EPB41: variants seen among roughly 807,000 people sequenced by gnomAD.
EPB41 encodes the protein erythrocyte membrane protein band 4.1.
A neutral mutation model predicts 108.0 loss-of-function variants in EPB41; 65 were observed. The observed-to-expected ratio is 0.60, with a 90% CI of 0.49 to 0.74. EPB41 has a LOEUF of 0.74. EPB41 is among the 30% of genes least tolerant of loss of function. The probability of loss-of-function intolerance (pLI) is 0.00; values close to 1 mark genes in which losing one functional copy is unlikely to be tolerated. For missense variants in EPB41, 875 were observed against 1,037.0 expected, an observed-to-expected ratio of 0.84 and a Z score of 2.15; for synonymous variants, 336 against 358.9, an observed-to-expected ratio of 0.94 and a Z score of 0.72.
intron 7 of EPB41, among the ~76,000 whole-genome samples, chr1:29,022,361 C>T (rs2096656551): frequency 7.5e-6 from 1 of 133,634 alleles, no homozygotes. Flanking sequence ...AAGAAACTGC[C>T]ATTGATATAA....
chr1:29,075,622 C>G lies in EPB41; in HGVS notation c.2184+10464C>G, dbSNP rs1174380493. Among the ~76,000 whole-genome samples the G allele has an allele frequency of 3.9e-5, 6 of 152,278 alleles. No individual in the cohort carries two copies. The South Asian group carries it at 1.2e-3, about 32-fold the overall frequency. ...GAGTCTCAACTATCTTTTCTTGTCT[C>G]AAAATCAACAAAGGCAGGTGAGCCT... is the stretch of plus-strand genomic sequence containing the variant. On this transcript the variant is annotated intron_variant, in intron 16 of 20. Coordinates refer to ENST00000343067, the MANE Select transcript of EPB41 (RefSeq NM_001376013.1).
In EPB41 at chr1:29,117,917, C is replaced by T. The variant is rs1385929382; in HGVS notation, c.*1105C>T. The T allele has an allele frequency of 2.0e-5, 3 of 152,482 alleles. No individual in the cohort carries two copies. The highest frequency in any genetic ancestry group is 1.9e-4 in the East Asian group (1 of 5,186). The allele number at this position is 152,482 out of a possible 1,614,324, so 9.4% of individuals were successfully genotyped here. A position where few individuals can be genotyped will look rare whatever the true frequency, so the allele number is the denominator to read the frequency against. Reference sequence around the variant, plus strand: ...GAGCAAGGAATTGACTTTTAGGAGCCGTTCTCCCCACAAGACACCACATGA... The same window carrying T: ...GAGCAAGGAATTGACTTTTAGGAGCTGTTCTCCCCACAAGACACCACATGA... On this transcript the variant is annotated 3_prime_UTR_variant, in exon 21 of 21. Coordinates refer to ENST00000343067, the MANE Select transcript of EPB41 (RefSeq NM_001376013.1).
chr1:28,890,016 ATTTTTAT>A (rs1353742122), intron 1 of EPB41, among the ~76,000 whole-genome samples: 10 of 35,216 alleles, frequency 2.8e-4, no homozygotes, highest in East Asian at 4.0e-3. Flanking sequence ...TTTTATTTTT[ATTTTTAT>A]TTTTATTTTA....
chr1:29,005,100 A>C (rs1307645455), intron 4 of EPB41, among the ~76,000 whole-genome samples: 7 of 152,138 alleles, frequency 4.6e-5, no homozygotes, highest in Non-Finnish European at 8.8e-5. Flanking sequence ...TAAAGAAAGG[A>C]GGTTTAATTG....
chr1:29,089,580 T>C (rs577387036), intron 16 of EPB41, among the ~76,000 whole-genome samples: 71 of 152,258 alleles, frequency 4.7e-4, no homozygotes, highest in South Asian at 3.7e-3. Context: ...AAGGAAAATC[T>C]AGAAGAAATG....
intron 1 of EPB41, among the ~76,000 whole-genome samples, chr1:28,938,647 C>A (rs757608996): frequency 1.3e-5 from 2 of 151,988 alleles, no homozygotes; most frequent in Non-Finnish European, 2.9e-5. Flanking sequence ...AACCTCCCAC[C>A]TCAGCCTCCT....
intron 11 of EPB41, among the ~76,000 whole-genome samples, chr1:29,049,437 A>G (rs1193934420): frequency 6.6e-6 from 1 of 152,128 alleles, no homozygotes. Flanking sequence ...CATCCTTATC[A>G]CCTTTGGAGC....
chr1:28,932,440 C>T (rs2148575798), intron 1 of EPB41, among the ~76,000 whole-genome samples: 1 of 149,946 alleles, frequency 6.7e-6, no homozygotes, highest in South Asian at 2.1e-4. Flanking sequence ...TTTATCTTTT[C>T]TTCCAGGAGC....
rs1378449467 is a variant in EPB41, at chr1:28,935,479, C to A, written c.-8+20711C>A. On this transcript the variant is annotated intron_variant, in intron 1 of 20. Transcript: ENST00000343067. ...CACACACACACACACCCCCCCCCCC[C>A]CAAGATCTACGCACTAACTGCTTAT... Among the ~76,000 whole-genome samples the A allele has an allele frequency of 7.1e-3, 225 of 31,894 alleles. 3 individuals are homozygous for A. The highest frequency in any genetic ancestry group is 0.03 in the East Asian group (9 of 302). 20.9% of individuals were successfully genotyped at this position (31,894 alleles called of 152,430 possible). A position where few individuals can be genotyped will look rare whatever the true frequency, so the allele number is the denominator to read the frequency against.
At chr1:29,111,175 AAAAAG>A (rs1207244907) in intron 18 of EPB41, among the ~76,000 whole-genome samples, 1 of 152,082 alleles carries the variant, frequency 6.6e-6, no homozygotes, top group African/African-American at 2.4e-5. Context: ...TCAAAAAAAA[AAAAAG>A]AAAAAGAAAA....
chr1:29,086,061 A>G (rs184801404), intron 16 of EPB41, among the ~76,000 whole-genome samples: 3 of 152,276 alleles, frequency 2.0e-5, no homozygotes, highest in Middle Eastern at 3.4e-3. Flanking sequence ...CTTTCTGCAT[A>G]AATTGTTTAC....
At chr1:28,992,955 T>C (rs1158958197) in intron 2 of EPB41, among the ~76,000 whole-genome samples, 6 of 152,218 alleles carry the variant, frequency 3.9e-5, no homozygotes, top group Admixed American at 6.5e-5. Context: ...TATTTTGCAG[T>C]TTGTAAGGCT....
chr1:28,887,599 A>G lies in EPB41; in HGVS notation c.-8+389A>G, dbSNP rs907895018. 1.0e-6 allele frequency: 1 copy of G among 984,886 alleles called. No individual in the cohort carries two copies. The highest frequency in any genetic ancestry group is 1.8e-5 in the African/African-American group (1 of 57,140). 61.0% of individuals were successfully genotyped at this position (984,886 alleles called of 1,614,324 possible). A position where few individuals can be genotyped will look rare whatever the true frequency, so the allele number is the denominator to read the frequency against. ...CTAGCCCCGCCTTGCCCGGCCCCGC[A>G]TGCTCCTGCCGGGCCCGCAGCAGCG... On this transcript the variant is annotated intron_variant, in intron 1 of 16. Transcript: ENST00000347529. The surrounding 1 kb of genome is among the most constrained non-coding windows in gnomAD (Gnocchi z 4.9).
At position 29,111,884 on chromosome 1, in the gene EPB41, G is replaced by A. The variant is rs2151715258; in HGVS notation, c.2416-484G>A. On this transcript the variant is annotated intron_variant, in intron 18 of 20. Coordinates refer to ENST00000343067, the MANE Select transcript of EPB41 (RefSeq NM_001376013.1). ...CCCATCTACTCAGGAGGCTGAGGCA[G>A]GAGAATTGCTTGAACCCGGGAGGCA... Among the ~76,000 whole-genome samples, 3 of 151,562 alleles carry A rather than the reference G, an allele frequency of 2.0e-5. No homozygotes were observed. In the South Asian group the frequency reaches 6.3e-4, roughly 32 times the overall value.
chr1:29,061,572 GTTT>G (rs34413393), intron 15 of EPB41, among the ~76,000 whole-genome samples: 26 of 64,048 alleles, frequency 4.1e-4, no homozygotes, highest in Admixed American at 2.2e-3. Flanking sequence ...CCTGGCCTTT[GTTT>G]TTTTTTTTTT....
intron 11 of EPB41, among the ~76,000 whole-genome samples, chr1:29,051,711 A>C (rs7411621): frequency 0.12 from 18,669 of 152,054 alleles, 1,566 homozygotes; most frequent in African/African-American, 0.25. Flanking sequence ...AGCCTGGCCA[A>C]CATGGTGAAA....
intron 1 of EPB41, among the ~76,000 whole-genome samples, chr1:28,960,708 C>T (rs535432448): frequency 2.0e-5 from 3 of 151,248 alleles, no homozygotes; most frequent in Admixed American, 6.6e-5. Flanking sequence ...CCAGCCTGGG[C>T]GACAGAGATC....
chr1:28,969,891 A>G (rs1334352498), intron 1 of EPB41, among the ~76,000 whole-genome samples: 3 of 152,130 alleles, frequency 2.0e-5, no homozygotes, highest in African/African-American at 7.2e-5. Flanking sequence ...ACAGAGCGAG[A>G]CTCTGTCTCA....
At chr1:28,927,684 T>C (rs1218677830) in intron 1 of EPB41, among the ~76,000 whole-genome samples, 2 of 152,192 alleles carry the variant, frequency 1.3e-5, no homozygotes, top group Non-Finnish European at 2.9e-5. Context: ...CCTTTCTCCT[T>C]CTCCTCTTAA....
Sources: allele counts gnomAD v4.1 joint callset (sites outside exome capture counted in the v4.1 genomes callset), GRCh38; gene constraint gnomAD v4.1.1; non-coding constraint Gnocchi (gnomAD v3.1); transcripts MANE v1.5; gene names NCBI Gene and HGNC (gene_info 2026-07-23, HGNC 2026-07-21).